The following KALRN variants were observed in gnomAD, a reference collection of about 807,000 sequenced individuals.
KALRN encodes kalirin RhoGEF kinase, also known as kalirin.
Under a neutral mutation model 353.7 loss-of-function variants are expected in KALRN, and 70 were observed. The ratio of observed to expected loss-of-function variants is 0.20; its 90% confidence interval spans 0.16 to 0.24. The LOEUF is 0.24. KALRN is among the 10% of genes least tolerant of loss of function. The pLI is 1.00. For synonymous variants in KALRN, 1,391 were observed against 1,434.8 expected (o/e 0.97, Z 0.69); for missense variants, 2,791 against 3,756.7 (o/e 0.74, Z 6.72).
At chr3:124,698,227 C>T (rs2150645752) in intron 55 of KALRN, among the ~76,000 whole-genome samples, 1 of 152,358 alleles carries the variant, frequency 6.6e-6, no homozygotes, top group South Asian at 2.1e-4. Context: ...CCACTTGCCT[C>T]AGCCTCCGGA....
chr3:124,328,969 T>G (rs1034863435), intron 7 of KALRN, among the ~76,000 whole-genome samples: 1 of 152,236 alleles, frequency 6.6e-6, no homozygotes, highest in East Asian at 1.9e-4. Flanking sequence ...TGTCCTCATA[T>G]GGGCTGTTCT....
At chr3:124,268,572 T>C in intron 4 of KALRN, 171 bp from the exon 5 acceptor site, 1 of 656,242 alleles carries the variant, frequency 1.5e-6, no homozygotes, top group South Asian at 1.9e-5. Context: ...CTGCTGATCC[T>C]GACTGATCTG....
intron 9 of KALRN, among the ~76,000 whole-genome samples, chr3:124,343,874 C>G (rs1469205668): frequency 6.6e-6 from 1 of 152,220 alleles, no homozygotes; most frequent in African/African-American, 2.4e-5. Context: ...CCCCCACCTC[C>G]AGAGCTGCTC....
intron 52 of KALRN, 95 bp from the exon 53 acceptor site, chr3:124,694,237 A>T: frequency 8.5e-7 from 1 of 1,174,098 alleles, no homozygotes; most frequent in Non-Finnish European, 1.2e-6. Flanking sequence ...ATTACATGAC[A>T]TGGGTGGGAA....
At chr3:124,366,954 T>A (rs1317454689) in intron 10 of KALRN, among the ~76,000 whole-genome samples, 1 of 121,414 alleles carries the variant, frequency 8.2e-6, no homozygotes, top group Non-Finnish European at 1.7e-5. Flanking sequence ...CCAGTAGGGG[T>A]GGCCAGGCAG....
intron 12 of KALRN, among the ~76,000 whole-genome samples, chr3:124,397,083 A>G (rs777509660): frequency 4.6e-5 from 7 of 152,228 alleles, no homozygotes; most frequent in Non-Finnish European, 1.0e-4. Flanking sequence ...TGACACTGAC[A>G]TAGTGCTGCA....
At chr3:124,075,672 A>C (rs1235078313) in intron 1 of KALRN, among the ~76,000 whole-genome samples, 1 of 152,166 alleles carries the variant, frequency 6.6e-6, no homozygotes, top group Non-Finnish European at 1.5e-5. Flanking sequence ...CTATCCTGGA[A>C]TTCTAATACT....
chr3:124,504,105 A>G (rs866383345), intron 33 of KALRN, among the ~76,000 whole-genome samples: 7 of 152,192 alleles, frequency 4.6e-5, no homozygotes, highest in Admixed American at 1.3e-4. Flanking sequence ...AATTTGTTTC[A>G]GGTTTATACA....
At chr3:124,225,193 G>T (rs552577469) in intron 1 of KALRN, among the ~76,000 whole-genome samples, 34 of 152,240 alleles carry the variant, frequency 2.2e-4, no homozygotes, top group Non-Finnish European at 4.0e-4. Context: ...TATATGCAAG[G>T]TCACCAATTT....
chr3:124,376,746 A>G (rs187007163), intron 10 of KALRN, among the ~76,000 whole-genome samples: 1 of 152,328 alleles, frequency 6.6e-6, no homozygotes, highest in East Asian at 1.9e-4. Context: ...TACTGCTGAC[A>G]AGCTGCTGAA....
chr3:124,409,283 G>A (rs373149128), intron 13 of KALRN, among the ~76,000 whole-genome samples: 5 of 152,182 alleles, frequency 3.3e-5, no homozygotes, highest in African/African-American at 1.2e-4. Flanking sequence ...TTCATTCACT[G>A]GCTTCAGGCC....
chr3:124,630,369 A>G lies in KALRN; in HGVS notation c.5183-2051A>G, dbSNP rs149289709. Among the ~76,000 whole-genome samples the G allele has an allele frequency of 2.0e-3, 296 of 146,356 alleles. 2 individuals are homozygous for G. The highest frequency in any genetic ancestry group is 2.1e-3 in the Non-Finnish European group (139 of 66,384). ...GAGAACTGGGCGGGTGTAGACATGA[A>G]AGGCCCAGTAGTGTTTGTTTGTTTG... is the stretch of plus-strand genomic sequence containing the variant. On this transcript the variant is annotated intron_variant, in intron 34 of 59. Transcript: ENST00000682506.
At position 124,699,182 on chromosome 3, in the gene KALRN, G is replaced by A. The variant is rs561748930; in HGVS notation, c.7832-687G>A. Reference sequence around the variant, plus strand: ...AGCTGTTCACTCTTGTGTCTCCCAGGTTAGCACAAAAGTATTAATAGTGAG... The same window carrying A: ...AGCTGTTCACTCTTGTGTCTCCCAGATTAGCACAAAAGTATTAATAGTGAG... On this transcript the variant is annotated intron_variant, in intron 55 of 59. Transcript: ENST00000682506. Among the ~76,000 whole-genome samples, 10 of 152,168 alleles carry A rather than the reference G, an allele frequency of 6.6e-5. No homozygotes were observed. In the South Asian group the frequency reaches 1.5e-3, roughly 22 times the overall value.
At chr3:124,701,970 C>T in intron 56 of KALRN, 68 bp from the exon 57 acceptor site, 1 of 1,254,260 alleles carries the variant, frequency 8.0e-7, no homozygotes, top group South Asian at 1.2e-5. Flanking sequence ...TGGAGCTTTT[C>T]TGTTAATTTT....
intron 19 of KALRN, among the ~76,000 whole-genome samples, chr3:124,442,765 G>T (rs928621170): frequency 6.6e-6 from 1 of 152,036 alleles, no homozygotes; most frequent in East Asian, 1.9e-4. Flanking sequence ...TGGGAGGGTT[G>T]CTTGAGGCCA....
At chr3:124,152,585 CTTTCTTTCTTTTT>C in intron 1 of KALRN, 1 of 579,988 alleles carries the variant, frequency 1.7e-6, no homozygotes, top group Non-Finnish European at 2.9e-6. Context: ...TTCTTTCTTT[CTTTCTTTCTTTTT>C]TTTTTTTTTT....
chr3:124,678,379 A>C, intron 50 of KALRN, 66 bp downstream of exon 50: 1 of 1,560,380 alleles, frequency 6.4e-7, no homozygotes, highest in East Asian at 2.3e-5. Flanking sequence ...GCATTCTCAC[A>C]AGCCAATTTG....
intron 1 of KALRN, among the ~76,000 whole-genome samples, chr3:124,048,961 AAAGGTG>A (rs2040778531): frequency 6.6e-6 from 1 of 152,222 alleles, no homozygotes; most frequent in South Asian, 2.1e-4. Flanking sequence ...GATCTTGTTC[AAAGGTG>A]ACTGTAGGAC....
chr3:124,380,927 G>T (rs571043236), intron 10 of KALRN, among the ~76,000 whole-genome samples: 1 of 152,342 alleles, frequency 6.6e-6, no homozygotes, highest in South Asian at 2.1e-4. Context: ...CATTGGTGGA[G>T]GTTGATATCG....
Sources: gnomAD v4.1 joint callset for allele counts (sites outside exome capture counted in the v4.1 genomes callset) on GRCh38, gnomAD v4.1.1 for gene constraint, MANE v1.5 for transcripts, NCBI Gene and HGNC (gene_info 2026-07-23, HGNC 2026-07-21) for gene names.